The following OSBPL8 variants were observed in gnomAD, a reference collection of about 807,000 sequenced individuals.
The protein encoded by OSBPL8 is oxysterol binding protein like 8, also known as oxysterol-binding protein-related protein 8.
In OSBPL8, 59 loss-of-function variants were observed where a neutral mutation model predicts 125.5. That is an observed-to-expected ratio of 0.47 (90% confidence interval 0.38 to 0.58). OSBPL8 has a LOEUF of 0.58. Ranked by LOEUF, OSBPL8 falls within the 20% of genes least tolerant of loss-of-function variation. The pLI is 0.00. For missense variants in OSBPL8, 758 were observed against 1,047.8 expected, an observed-to-expected ratio of 0.72 and a Z score of 3.82; for synonymous variants, 330 against 338.9, an observed-to-expected ratio of 0.97 and a Z score of 0.29.
At chr12:76,460,095 T>C (rs1256035401) in intron 2 of OSBPL8, among the ~76,000 whole-genome samples, 200 bp from the exon 3 acceptor site, 2 of 152,182 alleles carry the variant, frequency 1.3e-5, no homozygotes, top group African/African-American at 2.4e-5. Flanking sequence ...AAAAAAGATA[T>C]TGGATTAAGC....
At chr12:76,494,782 A>G (rs1157309250) in intron 1 of OSBPL8, among the ~76,000 whole-genome samples, 1 of 152,198 alleles carries the variant, frequency 6.6e-6, no homozygotes, top group Non-Finnish European at 1.5e-5. Context: ...AGGAATATTA[A>G]GTTTGATATG....
chr12:76,464,864 G>A (rs1875206860), intron 2 of OSBPL8, among the ~76,000 whole-genome samples: 1 of 152,116 alleles, frequency 6.6e-6, no homozygotes, highest in African/African-American at 2.4e-5. Context: ...CAATCCTACT[G>A]CAGCTGGCTC....
chr12:76,378,774 C>CT (rs996568229), intron 15 of OSBPL8, among the ~76,000 whole-genome samples: 99 of 148,818 alleles, frequency 6.7e-4, no homozygotes, highest in Middle Eastern at 3.4e-3. Context: ...CAGTTATGTG[C>CT]TTTTTTTTTT....
At position 76,507,209 on chromosome 12, in the gene OSBPL8, T is replaced by C. The variant is rs572598058; in HGVS notation, c.-67-19591A>G. Among the ~76,000 whole-genome samples the C allele has an allele frequency of 2.6e-4, 39 of 151,868 alleles. No individual in the cohort carries two copies. The South Asian group carries it at 3.1e-3, about 12-fold the overall frequency. On this transcript the variant is annotated intron_variant, in intron 1 of 23. Coordinates refer to ENST00000261183, the MANE Select transcript of OSBPL8 (RefSeq NM_020841.5). Reference sequence around the variant, plus strand: ...GGAACTGGTAGCTCATTGTCTATACTTACCCTAACAAAGTTCCTAGAGAAA... The same window carrying C: ...GGAACTGGTAGCTCATTGTCTATACCTACCCTAACAAAGTTCCTAGAGAAA...
intron 1 of OSBPL8, among the ~76,000 whole-genome samples, chr12:76,551,085 C>T (rs1950923717): frequency 6.6e-6 from 1 of 151,730 alleles, no homozygotes; most frequent in African/African-American, 2.4e-5. Flanking sequence ...TATAGTATAT[C>T]AAGGAAGAGA....
chr12:76,385,721 CA>C (rs1220386320), intron 14 of OSBPL8, among the ~76,000 whole-genome samples: 1 of 151,960 alleles, frequency 6.6e-6, no homozygotes, highest in East Asian at 1.9e-4. Flanking sequence ...AGTGCTAGAT[CA>C]GGTTACCTAG....
chr12:76,549,199 T>A (rs534265633), intron 1 of OSBPL8, among the ~76,000 whole-genome samples: 1 of 151,304 alleles, frequency 6.6e-6, no homozygotes, highest in East Asian at 2.0e-4. Context: ...AGGGAGGAAA[T>A]TATTAAAGAC....
At chr12:76,505,837 C>T (rs905716049) in intron 1 of OSBPL8, among the ~76,000 whole-genome samples, 10 of 152,144 alleles carry the variant, frequency 6.6e-5, no homozygotes, top group Non-Finnish European at 1.2e-4. Flanking sequence ...CTGCAAATCA[C>T]GGAGACCTCA....
At chr12:76,444,789 C>A (rs943942707) in intron 4 of OSBPL8, among the ~76,000 whole-genome samples, 56 of 152,140 alleles carry the variant, frequency 3.7e-4, no homozygotes, top group African/African-American at 1.2e-3. Context: ...GGAGTGAAAT[C>A]TATATCTAAG....
At chr12:76,451,841 G>A (rs1432009565) in intron 3 of OSBPL8, among the ~76,000 whole-genome samples, 1 of 152,140 alleles carries the variant, frequency 6.6e-6, no homozygotes, top group Non-Finnish European at 1.5e-5. Flanking sequence ...AAAAACTCGA[G>A]TTTCATCTTA....
chr12:76,451,945 C>T (rs1873464570), intron 3 of OSBPL8, among the ~76,000 whole-genome samples: 1 of 152,026 alleles, frequency 6.6e-6, no homozygotes, highest in East Asian at 1.9e-4. Context: ...GTGGCGAAAC[C>T]CCGTCTCTAC....
At chr12:76,488,608 G>A (rs1456203414) in intron 1 of OSBPL8, among the ~76,000 whole-genome samples, 2 of 152,016 alleles carry the variant, frequency 1.3e-5, no homozygotes, top group Non-Finnish European at 2.9e-5. Context: ...AATAATCCTT[G>A]ATATTACTAT....
intron 15 of OSBPL8, 117 bp downstream of exon 15, chr12:76,384,137 T>C (rs1243093570): frequency 2.0e-6 from 1 of 494,824 alleles, no homozygotes; most frequent in Non-Finnish European, 3.5e-6. Flanking sequence ...CAAGGAAAGA[T>C]GATACTTAAA....
intron 2 of OSBPL8, among the ~76,000 whole-genome samples, chr12:76,471,348 CTT>C (rs1359356140): frequency 1.1e-4 from 16 of 152,124 alleles, no homozygotes; most frequent in South Asian, 2.1e-4. Flanking sequence ...TATTTTCTCC[CTT>C]AAGGAATGGT....
At chr12:76,527,250 G>C (rs562832589) in intron 1 of OSBPL8, among the ~76,000 whole-genome samples, 4 of 147,796 alleles carry the variant, frequency 2.7e-5, no homozygotes, top group Non-Finnish European at 4.4e-5. Flanking sequence ...GGGCCGGGGT[G>C]GGGGGGGATT....
intron 7 of OSBPL8, among the ~76,000 whole-genome samples, chr12:76,399,621 A>T (rs1953964569): frequency 6.6e-6 from 1 of 152,194 alleles, no homozygotes; most frequent in African/African-American, 2.4e-5. Flanking sequence ...TATCACACAA[A>T]CCAAAAAGCT....
At chr12:76,381,798 G>T (rs906035139) in intron 15 of OSBPL8, among the ~76,000 whole-genome samples, 1 of 150,708 alleles carries the variant, frequency 6.6e-6, no homozygotes, top group African/African-American at 2.4e-5. Flanking sequence ...GCAGTGGCAT[G>T]ATCTCAGCTC....
At chr12:76,443,441 G>A (rs375854086) in intron 4 of OSBPL8, among the ~76,000 whole-genome samples, 2 of 152,062 alleles carry the variant, frequency 1.3e-5, no homozygotes, top group East Asian at 3.9e-4. Flanking sequence ...AGGCTCCTTT[G>A]GCATTGTCCT....
intron 21 of OSBPL8, among the ~76,000 whole-genome samples, chr12:76,367,309 A>G (rs2136178680): frequency 1.3e-5 from 2 of 151,324 alleles, no homozygotes; most frequent in East Asian, 3.9e-4. Context: ...TCTTGTAACA[A>G]TTTTTGACTT....
Sources: gnomAD v4.1 joint callset for allele counts (sites outside exome capture counted in the v4.1 genomes callset) on GRCh38, gnomAD v4.1.1 for gene constraint, MANE v1.5 for transcripts, NCBI Gene and HGNC (gene_info 2026-07-23, HGNC 2026-07-21) for gene names.